Variants in SYNDIG1 observed in about 807,000 individuals in gnomAD.
The protein encoded by SYNDIG1 is synapse differentiation inducing 1, also known as synapse differentiation-inducing gene protein 1.
Under a neutral mutation model 19.4 loss-of-function variants are expected in SYNDIG1, and 9 were observed. That is an observed-to-expected ratio of 0.46 (90% CI 0.28 to 0.81). The LOEUF (loss-of-function observed/expected upper bound fraction) is 0.81. SYNDIG1 is among the 30% of genes least tolerant of loss of function. The pLI is 0.12. For missense variants in SYNDIG1, 311 were observed against 343.3 expected, an observed-to-expected ratio of 0.91 and a Z score of 0.74; for synonymous variants, 141 against 145.9, an observed-to-expected ratio of 0.97 and a Z score of 0.24.
chr20:24,496,812 T>C (rs920248934), intron 1 of SYNDIG1, among the ~76,000 whole-genome samples: 7 of 152,234 alleles, frequency 4.6e-5, no homozygotes, highest in African/African-American at 1.7e-4. Flanking sequence ...AAAAAAGATC[T>C]GTTGGCTTTC....
At chr20:24,472,632 C>G (rs2055501670) in intron 1 of SYNDIG1, among the ~76,000 whole-genome samples, 1 of 152,212 alleles carries the variant, frequency 6.6e-6, no homozygotes, top group Non-Finnish European at 1.5e-5. Context: ...CCAGGTCACA[C>G]CTGCTCTGCC....
In SYNDIG1 at chr20:24,536,185, C is replaced by T. The variant is rs529704926; in HGVS notation, c.-78-6835C>T. On this transcript the variant is annotated intron_variant, in intron 1 of 3. Transcript: ENST00000376862. ...GGCGTGGCCATGCTGTCATCCAGGC[C>T]TGAGCTGGGCAGCCTGGGAGCCCAG... is the stretch of plus-strand genomic sequence containing the variant. Among the ~76,000 whole-genome samples, 34 of 152,308 alleles carry T rather than the reference C, an allele frequency of 2.2e-4. No individual in the cohort carries two copies. The South Asian group carries it at 7.0e-3, about 32-fold the overall frequency.
intron 1 of SYNDIG1, among the ~76,000 whole-genome samples, chr20:24,532,046 G>T (rs966980137): frequency 1.3e-5 from 2 of 152,140 alleles, no homozygotes; most frequent in African/African-American, 4.8e-5. Flanking sequence ...TTGTGTTCCA[G>T]GCCATACACA....
rs573276310 is a variant in SYNDIG1, at chr20:24,602,512, C to G, written c.618+17519C>G. 2.6e-5 allele frequency among the ~76,000 whole-genome samples: 4 copies of G among 152,300 alleles called. No individual in the cohort carries two copies. The East Asian group carries it at 7.7e-4, about 29-fold the overall frequency. On this transcript the variant is annotated intron_variant, in intron 3 of 3. Coordinates refer to ENST00000376862, the MANE Select transcript of SYNDIG1 (RefSeq NM_024893.3). ...GGCTGGTTTACAGGATCTCCCTCTT[C>G]ACTGGGCTCTGAAATCCAACTTGGA...
chr20:24,585,961 C>T (rs1474090032), intron 3 of SYNDIG1, among the ~76,000 whole-genome samples: 1 of 152,240 alleles, frequency 6.6e-6, no homozygotes, highest in Admixed American at 6.5e-5. Context: ...TCGTCTGAAA[C>T]AGATTTCCTG....
intron 3 of SYNDIG1, among the ~76,000 whole-genome samples, chr20:24,641,708 C>G (rs1365179331): frequency 6.6e-6 from 1 of 152,198 alleles, no homozygotes; most frequent in Non-Finnish European, 1.5e-5. Context: ...AAAGCTGTGC[C>G]CTGCCCACCT....
chr20:24,659,749 G>A (rs1233164095), intron 3 of SYNDIG1, among the ~76,000 whole-genome samples: 2 of 152,298 alleles, frequency 1.3e-5, no homozygotes, highest in African/African-American at 2.4e-5. Flanking sequence ...ACGTAATTAC[G>A]TTTGCATCTG....
intron 1 of SYNDIG1, among the ~76,000 whole-genome samples, chr20:24,495,269 C>T (rs1194820697): frequency 2.0e-5 from 3 of 152,228 alleles, no homozygotes; most frequent in Non-Finnish European, 1.5e-5. Context: ...AGGCCCTCAG[C>T]TCACTTCTGA....
chr20:24,604,197 A>C (rs912707706), intron 3 of SYNDIG1, among the ~76,000 whole-genome samples: 2 of 151,910 alleles, frequency 1.3e-5, no homozygotes, highest in African/African-American at 4.8e-5. Flanking sequence ...CACACACTCG[A>C]TGGTTTTGTT....
At chr20:24,516,018 C>T (rs2056854617) in intron 1 of SYNDIG1, among the ~76,000 whole-genome samples, 1 of 152,078 alleles carries the variant, frequency 6.6e-6, no homozygotes, top group Non-Finnish European at 1.5e-5. Context: ...AGAACAGAGC[C>T]CTCAGAAATA....
chr20:24,640,405 AGT>A (rs1419573168), intron 3 of SYNDIG1, among the ~76,000 whole-genome samples: 8 of 149,666 alleles, frequency 5.3e-5, no homozygotes, highest in South Asian at 4.4e-4. Flanking sequence ...AAGAAAAGAA[AGT>A]GAGAGAGGGA....
chr20:24,587,830 C>G (rs148637783), intron 3 of SYNDIG1, among the ~76,000 whole-genome samples: 318 of 152,344 alleles, frequency 2.1e-3, no homozygotes, highest in African/African-American at 7.3e-3. Context: ...TCTTTGACAT[C>G]TAAGTGTGAC....
At chr20:24,629,760 A>G (rs553974854) in intron 3 of SYNDIG1, among the ~76,000 whole-genome samples, 94 of 152,234 alleles carry the variant, frequency 6.2e-4, no homozygotes, top group Non-Finnish European at 1.2e-3. Flanking sequence ...AGCAAGGAGA[A>G]GTAAATGTAA....
chr20:24,550,295 G>A (rs2057680010), intron 2 of SYNDIG1, among the ~76,000 whole-genome samples: 1 of 152,170 alleles, frequency 6.6e-6, no homozygotes, highest in South Asian at 2.1e-4. Flanking sequence ...ACAAACGCAT[G>A]GTGTAGATGT....
intron 2 of SYNDIG1, among the ~76,000 whole-genome samples, chr20:24,548,886 T>A (rs1230135763): frequency 6.6e-6 from 1 of 152,202 alleles, no homozygotes; most frequent in Non-Finnish European, 1.5e-5. Flanking sequence ...CCTTTGTCAC[T>A]ACTTTGTTGA....
intron 3 of SYNDIG1, among the ~76,000 whole-genome samples, chr20:24,613,744 G>A (rs185309744): frequency 7.9e-5 from 12 of 152,300 alleles, no homozygotes; most frequent in South Asian, 2.1e-4. Flanking sequence ...CTACAGTGGG[G>A]ACTTCAGGGA....
intron 3 of SYNDIG1, among the ~76,000 whole-genome samples, chr20:24,653,942 C>T (rs150391776): frequency 3.9e-5 from 6 of 152,338 alleles, no homozygotes; most frequent in African/African-American, 4.8e-5. Context: ...AACTTACTCA[C>T]CTCTTTAAAG....
At chr20:24,508,978 G>A (rs143149112) in intron 1 of SYNDIG1, among the ~76,000 whole-genome samples, 26 of 152,310 alleles carry the variant, frequency 1.7e-4, no homozygotes, top group African/African-American at 5.8e-4. Context: ...ATTTAAGAAA[G>A]TAACATGGAG....
chr20:24,616,575 G>A (rs774071798), intron 3 of SYNDIG1, among the ~76,000 whole-genome samples: 2 of 152,272 alleles, frequency 1.3e-5, no homozygotes, highest in Non-Finnish European at 2.9e-5. Flanking sequence ...GCAGAAGGAA[G>A]CACAGGAGCT....
Sources: gnomAD v4.1 joint callset for allele counts (sites outside exome capture counted in the v4.1 genomes callset) on GRCh38, gnomAD v4.1.1 for gene constraint, MANE v1.5 for transcripts, NCBI Gene and HGNC (gene_info 2026-07-23, HGNC 2026-07-21) for gene names.